The following MKS1 variants were observed in gnomAD, a reference collection of about 807,000 sequenced individuals.
MKS1 encodes MKS transition zone complex subunit 1.
In MKS1, 70 loss-of-function variants were observed where a neutral mutation model predicts 83.7. That is an observed-to-expected ratio of 0.84 (90% CI 0.69 to 1.02). The LOEUF is 1.02. MKS1 is among the 50% of genes least tolerant of loss of function. The probability of loss-of-function intolerance (pLI) is 0.00; values close to 1 mark genes in which losing one functional copy is unlikely to be tolerated. For synonymous variants in MKS1, 251 were observed against 273.4 expected (o/e 0.92, Z 0.81); for missense variants, 681 against 726.9 (o/e 0.94, Z 0.73).
chr17:58,215,945 C>T, intron 4 of MKS1, 143 bp downstream of exon 4: 1 of 1,030,962 alleles, frequency 9.7e-7, no homozygotes, highest in Non-Finnish European at 1.5e-6. Context: ...AGGCTGGCTG[C>T]CAGCAGCAGC....
At chr17:58,214,861 T>C in intron 4 of MKS1, 23 bp from the exon 5 acceptor site, 2 of 1,589,818 alleles carry the variant, frequency 1.3e-6, no homozygotes, top group South Asian at 1.1e-5. Flanking sequence ...AGCAGCCCTG[T>C]GTACGCCATC....
chr17:58,207,270 C>A (rs1292385837), intron 14 of MKS1, 52 bp from the exon 15 acceptor site: 2 of 1,610,514 alleles, frequency 1.2e-6, no homozygotes, highest in Non-Finnish European at 1.7e-6. Flanking sequence ...GCATGTGGCC[C>A]CTCACTGACT....
intron 6 of MKS1, 74 bp downstream of exon 6, chr17:58,214,185 A>G (rs1597994385): frequency 6.2e-7 from 1 of 1,604,264 alleles, no homozygotes; most frequent in South Asian, 1.1e-5. Flanking sequence ...TAGGATGATA[A>G]TAACAGGAAG....
At chr17:58,206,962 A>G in intron 15 of MKS1, 123 bp downstream of exon 15, 1 of 1,391,374 alleles carries the variant, frequency 7.2e-7, no homozygotes, top group Non-Finnish European at 1.0e-6. Flanking sequence ...CTTAAGCCAC[A>G]GGAAGGAAGG....
At chr17:58,218,309 G>A (rs1257138013) in intron 2 of MKS1, among the ~76,000 whole-genome samples, 3 of 151,826 alleles carry the variant, frequency 2.0e-5, no homozygotes, top group Non-Finnish European at 4.4e-5. Context: ...TTAGCCGGGC[G>A]TGGTGGCGGG....
intron 6 of MKS1, 152 bp from the exon 7 acceptor site, chr17:58,214,021 A>C (rs1597994045): frequency 1.0e-6 from 1 of 956,636 alleles, no homozygotes; most frequent in East Asian, 2.6e-5. Flanking sequence ...AAAAAAAGGA[A>C]GAAAAAGTCC....
chr17:58,210,804 C>T (rs908600250), intron 10 of MKS1, 80 bp from the exon 11 acceptor site: 81 of 1,488,390 alleles, frequency 5.4e-5, no homozygotes, highest in Non-Finnish European at 7.5e-5. Context: ...GGGGCCTACA[C>T]ACCCTGAGAG....
At position 58,218,659 on chromosome 17, in the gene MKS1, G is replaced by A. The variant is rs368169919; in HGVS notation, c.151C>T (p.Leu51Phe). 2 of 1,613,912 alleles carry A rather than the reference G, an allele frequency of 1.2e-6. No homozygotes were observed. The part of the protein sequence containing the change: ...YQPAAELGKD[L>F]IDLATFRPQP... ...GGCCTAAAAGTGGCCAAGTCTATGA[G>A]GTCCTTCCCGAGCTCGGCAGCAGGC... The change falls in exon 2 of 18, where the codon CTC (leucine) becomes TTC (phenylalanine). Residue 51 changes from leucine to phenylalanine, a missense_variant. Physicochemically the swap from Leu to Phe is conservative, Grantham distance 22 (BLOSUM62 0). Transcript: ENST00000393119.
chr17:58,216,187 C>T lies in MKS1; in HGVS notation c.318G>A (p.Gln106=). ...ETACQSPLDY[Q]YRQEILKLEN... Reference sequence around the variant, plus strand: ...CCAGCTTCAGGATCTCCTGACGGTACTGATAATCCAAAGGACTCTGACAGG... The same window carrying T: ...CCAGCTTCAGGATCTCCTGACGGTATTGATAATCCAAAGGACTCTGACAGG... Residue 106 remains glutamine, a synonymous_variant, in exon 4 of 18, where the codon CAG becomes CAA. Coordinates refer to ENST00000393119, the MANE Select transcript of MKS1 (RefSeq NM_017777.4). The T allele has an allele frequency of 6.2e-7, 1 of 1,614,066 alleles. No homozygotes were observed. The highest frequency in any genetic ancestry group is 8.5e-7 in the Non-Finnish European group (1 of 1,179,970).
intron 14 of MKS1, chr17:58,207,606 A>T (rs1968599497): frequency 1.8e-6 from 1 of 556,662 alleles, no homozygotes; most frequent in Non-Finnish European, 3.2e-6. Context: ...ATGCTGATTC[A>T]TTCAATACAC....
rs1261181883 is a variant in MKS1, at chr17:58,210,975, C to T, written c.958+5G>A. On this transcript the variant is annotated splice_donor_5th_base_variant and intron_variant, in intron 10 of 17. Transcript: ENST00000393119. ...TCAAGAGATCTATGCTAGCAAGACA[C>T]TTACCGACCTCTCCATTTACAAAGA... is the stretch of plus-strand genomic sequence containing the variant. 2 of 1,613,812 alleles carry T rather than the reference C, an allele frequency of 1.2e-6. No individual in the cohort carries two copies. Among genetic ancestry groups the T allele is most frequent in the Non-Finnish European group, 1.7e-6 (2 of 1,179,756 alleles).
intron 4 of MKS1, among the ~76,000 whole-genome samples, chr17:58,215,168 A>G (rs1969118395): frequency 6.6e-6 from 1 of 152,226 alleles, no homozygotes; most frequent in African/African-American, 2.4e-5. Flanking sequence ...GAAAATGCCA[A>G]ATGGGATACA....
Position 58,213,788 on chromosome 17 carries a change from G to T in MKS1, c.726C>A (p.Phe242Leu), listed in dbSNP as rs1293228274. The stretch of plus-strand genomic sequence containing the variant: ...ACCTGTAGGGTCCTTTGAGGCCCGT[G>T]AAGTCAGGCTTTACTGTGATCACAC... ...SNGVITVKPD[F>L]TGLKGPYRIE... The change falls in exon 7 of 18, where the codon TTC (phenylalanine) becomes TTA (leucine). Residue 242 changes from phenylalanine (F) to leucine (L), a missense_variant. Coordinates refer to ENST00000393119, the MANE Select transcript of MKS1 (RefSeq NM_017777.4). 1 of 1,613,872 alleles carries T rather than the reference G, an allele frequency of 6.2e-7. No individual in the cohort carries two copies. Among genetic ancestry groups the T allele is most frequent in the Non-Finnish European group, 8.5e-7 (1 of 1,179,858 alleles).
rs749668169 is a variant in MKS1 at position 58,213,786 on chromosome 17, G to A, written c.728C>T (p.Thr243Met). The change falls in exon 7 of 18, where the codon ACG (threonine) becomes ATG (methionine). Residue 243 changes from threonine (T) to methionine (M), a missense_variant. Physicochemically the swap from Thr to Met is moderately conservative, Grantham distance 81. This residue lies in a region of MKS1 where 365 missense variants were observed against 383.8 expected (regional missense o/e 0.95). Coordinates refer to ENST00000393119, the MANE Select transcript of MKS1 (RefSeq NM_017777.4). ...TCACCTGTAGGGTCCTTTGAGGCCCGTGAAGTCAGGCTTTACTGTGATCAC... is the reference window on the plus strand; with the variant it reads ...TCACCTGTAGGGTCCTTTGAGGCCCATGAAGTCAGGCTTTACTGTGATCAC... ...NGVITVKPDF[T>M]GLKGPYRIET... is the part of the protein sequence containing the mutation. 12 of 1,613,608 alleles carry A rather than the reference G, an allele frequency of 7.4e-6. No homozygotes were observed. Among genetic ancestry groups the A allele is most frequent in the Admixed American group, 3.3e-5 (2 of 59,996 alleles).
intron 11 of MKS1, among the ~76,000 whole-genome samples, chr17:58,208,920 G>C (rs567106472): frequency 1.3e-5 from 2 of 152,028 alleles, no homozygotes; most frequent in Non-Finnish European, 2.9e-5. Flanking sequence ...ATCTTGCACC[G>C]CCCTTAATCC....
At chr17:58,214,009 G>A in intron 6 of MKS1, 140 bp from the exon 7 acceptor site, 12 of 953,880 alleles carry the variant, frequency 1.3e-5, no homozygotes, top group Admixed American at 1.2e-4. Context: ...GTACAACTAA[G>A]AAAAAAAAGG....
At chr17:58,208,241 A>G (rs989050644) in intron 12 of MKS1, 67 bp from the exon 13 acceptor site, 2 of 1,417,354 alleles carry the variant, frequency 1.4e-6, no homozygotes, top group Admixed American at 1.7e-5. Flanking sequence ...GTGGCCAATG[A>G]CAAGGTTATC....
chr17:58,214,448 G>A, intron 5 of MKS1, 61 bp from the exon 6 acceptor site: 1 of 1,611,228 alleles, frequency 6.2e-7, no homozygotes, highest in South Asian at 1.1e-5. Context: ...CCCCAGTGGA[G>A]AGCCACTTCA....
chr17:58,211,076 T>A, intron 9 of MKS1, 54 bp from the exon 10 acceptor site: 1 of 1,577,914 alleles, frequency 6.3e-7, no homozygotes, highest in African/African-American at 1.3e-5. Context: ...AATTGGCACT[T>A]CTCCTCCAGC....
Sources: allele counts gnomAD v4.1 joint callset (sites outside exome capture counted in the v4.1 genomes callset), GRCh38; gene constraint gnomAD v4.1.1; regional missense constraint gnomAD v4.1.1; transcripts MANE v1.5; gene names NCBI Gene and HGNC (gene_info 2026-07-23, HGNC 2026-07-21).